Variants in SERAC1 observed in about 807,000 individuals in gnomAD.
SERAC1 encodes the protein serine active site containing 1, also known as protein SERAC1.
A neutral mutation model predicts 85.7 loss-of-function variants in SERAC1; 36 were observed. That is an observed-to-expected ratio of 0.42 (90% CI 0.32 to 0.55). SERAC1 has a LOEUF of 0.55. SERAC1 is among the 20% of genes least tolerant of loss of function. The pLI, the probability that SERAC1 is intolerant of heterozygous loss-of-function variation, is 0.11. For missense variants in SERAC1, 629 were observed against 796.2 expected (o/e 0.79, Z 2.53); for synonymous variants, 242 against 265.3 (o/e 0.91, Z 0.85).
At chr6:158,131,000 G>C (rs1784659138) in intron 8 of SERAC1, among the ~76,000 whole-genome samples, 2 of 152,100 alleles carry the variant, frequency 1.3e-5, no homozygotes, top group South Asian at 4.1e-4. Flanking sequence ...CTTATGGAAG[G>C]ATAAACAAAA....
At chr6:158,133,282 G>T (rs1035763775) in intron 8 of SERAC1, among the ~76,000 whole-genome samples, 91 of 147,698 alleles carry the variant, frequency 6.2e-4, no homozygotes, top group African/African-American at 2.2e-3. Flanking sequence ...CTGGGCAACA[G>T]AGTGAGACCC....
intron 16 of SERAC1, chr6:158,112,283 T>A (rs960802739): frequency 6.6e-6 from 1 of 152,408 alleles, no homozygotes; most frequent in Non-Finnish European, 1.5e-5. Flanking sequence ...TGTGGTGGTG[T>A]GCGCCTGTGG....
chr6:158,144,118 A>G (rs573586447), intron 7 of SERAC1, among the ~76,000 whole-genome samples, 181 bp downstream of exon 7: 1 of 152,310 alleles, frequency 6.6e-6, no homozygotes, highest in African/African-American at 2.4e-5. Context: ...TAGAAGGAAC[A>G]GCCCCTCCTG....
At chr6:158,138,435 CAA>C (rs60850749) in intron 8 of SERAC1, among the ~76,000 whole-genome samples, 495 of 72,854 alleles carry the variant, frequency 6.8e-3, no homozygotes, top group East Asian at 0.014. Flanking sequence ...GACTCTGTCT[CAA>C]AAAAAAAAAA....
rs760945092 is a variant in SERAC1, at chr6:158,119,196, GA to G, written c.1167-27del. ...CTAATAGGGGAGAGAGTTTTAAAAA[GA>G]AGCAGAATAAATGCATTACTGCTTT... On this transcript the variant is annotated intron_variant, in intron 11 of 16. Coordinates refer to ENST00000647468, the MANE Select transcript of SERAC1 (RefSeq NM_032861.4). This position sits in a 1 kb window ranked among gnomAD's most constrained non-coding sequence, Gnocchi z 4.5. 6.3e-7 allele frequency: 1 copy of G among 1,589,764 alleles called. No individual in the cohort carries two copies. Among genetic ancestry groups the G allele is most frequent in the East Asian group, 2.3e-5 (1 of 44,038 alleles).
chr6:158,129,697 T>TG lies in SERAC1; in HGVS notation c.852+675_852+676insC, dbSNP rs1348026004. 2.8e-3 allele frequency among the ~76,000 whole-genome samples: 344 copies of TG among 121,282 alleles called. 1 individual carries two copies. The highest frequency in any genetic ancestry group is 0.011 in the African/African-American group (323 of 29,306). 79.6% of individuals were successfully genotyped at this position (121,282 alleles called of 152,430 possible). A position where few individuals can be genotyped will look rare whatever the true frequency, so the allele number is the denominator to read the frequency against. On this transcript the variant is annotated intron_variant, in intron 9 of 16. Transcript: ENST00000647468. ...TCTAATATTTCCTTGTTTTTTTTTG[T>TG]TTTGTTTTTTTTTTTTTGAGATGGA... is the stretch of plus-strand genomic sequence containing the variant.
chr6:158,113,570 T>C lies in SERAC1; in HGVS notation c.1707A>G (p.Leu569=), dbSNP rs145232088. ...LSKDSPALKT[L]QDDFLEFAKD... ...TAGCAAACTCCAGAAAGTCATCTTG[T>C]AGTGTTTTAAGTGCAGGAGAATCTG... The change falls in exon 16 of 17, where the codon CTA becomes CTG. Residue 569 remains leucine (L), a synonymous_variant. Coordinates refer to ENST00000647468, the MANE Select transcript of SERAC1 (RefSeq NM_032861.4). The C allele has an allele frequency of 5.0e-6, 8 of 1,613,900 alleles. No individual in the cohort carries two copies. Among genetic ancestry groups the C allele is most frequent in the Non-Finnish European group, 6.8e-6 (8 of 1,179,876 alleles).
intron 1 of SERAC1, among the ~76,000 whole-genome samples, chr6:158,166,811 T>C (rs1785608649): frequency 6.6e-6 from 1 of 152,180 alleles, no homozygotes; most frequent in African/African-American, 2.4e-5. Context: ...CAGAAGTTTT[T>C]AAATGCAGAA....
chr6:158,120,336 C>G lies in SERAC1; in HGVS notation c.1166+89G>C. Reference sequence around the variant, plus strand: ...TTGACTTATAAGTTATTTAACTTATCTGAATTATGCAGAAATAAGTTAAAA... The same window carrying G: ...TTGACTTATAAGTTATTTAACTTATGTGAATTATGCAGAAATAAGTTAAAA... On this transcript the variant is annotated intron_variant, in intron 11 of 16. Coordinates refer to ENST00000647468, the MANE Select transcript of SERAC1 (RefSeq NM_032861.4). The surrounding 1 kb of genome is among the most constrained non-coding windows in gnomAD (Gnocchi z 4.4). 1 of 1,285,522 alleles carries G rather than the reference C, an allele frequency of 7.8e-7. No homozygotes were observed. The highest frequency in any genetic ancestry group is 1.1e-6 in the Non-Finnish European group (1 of 947,880). The allele number at this position is 1,285,522 out of a possible 1,614,324, so 79.6% of individuals were successfully genotyped here. A position where few individuals can be genotyped will look rare whatever the true frequency, so the allele number is the denominator to read the frequency against.
At chr6:158,121,338 CTATG>C (rs1420844425) in intron 10 of SERAC1, among the ~76,000 whole-genome samples, 1 of 151,918 alleles carries the variant, frequency 6.6e-6, no homozygotes, top group East Asian at 1.9e-4. Flanking sequence ...GGTGAAAAAT[CTATG>C]TATTTATTTA....
At position 158,109,562 on chromosome 6, in the gene SERAC1, C is replaced by G. The variant is rs1347885963; in HGVS notation, c.*1804G>C. 1 of 152,106 alleles carries G rather than the reference C, an allele frequency of 6.6e-6. No homozygotes were observed. Among genetic ancestry groups the G allele is most frequent in the East Asian group, 1.9e-4 (1 of 5,186 alleles). 9.4% of individuals were successfully genotyped at this position (152,106 alleles called of 1,614,324 possible). A position where few individuals can be genotyped will look rare whatever the true frequency, so the allele number is the denominator to read the frequency against. ...TTGATGAGCCATTTACCTTCAGATG[C>G]CATACTCCAGTTTTAGCTTCGACTA... On this transcript the variant is annotated 3_prime_UTR_variant, in exon 17 of 17. Transcript: ENST00000647468.
chr6:158,111,202 C>T lies in SERAC1; in HGVS notation c.*164G>A. 1.7e-6 allele frequency: 1 copy of T among 597,166 alleles called. No individual in the cohort carries two copies. Among genetic ancestry groups the T allele is most frequent in the Non-Finnish European group, 2.6e-6 (1 of 377,950 alleles). The allele number at this position is 597,166 out of a possible 1,614,324, so 37.0% of individuals were successfully genotyped here. The stretch of plus-strand genomic sequence containing the variant: ...CTGCCACTTCCGGGTTGGTGCTTTA[C>T]AGCGCTTGAAGGGAGAACAATGTTC... On this transcript the variant is annotated 3_prime_UTR_variant, in exon 17 of 17. Transcript: ENST00000647468.
intron 2 of SERAC1, among the ~76,000 whole-genome samples, chr6:158,156,658 A>C (rs968171816): frequency 6.7e-6 from 1 of 149,966 alleles, no homozygotes; most frequent in Non-Finnish European, 1.5e-5. Context: ...CTTCTGTTAC[A>C]TGCACTGAGC....
At chr6:158,162,899 C>T (rs1190916285) in intron 1 of SERAC1, among the ~76,000 whole-genome samples, 1 of 152,104 alleles carries the variant, frequency 6.6e-6, no homozygotes, top group Non-Finnish European at 1.5e-5. Flanking sequence ...TCCCCTCCCA[C>T]GGTGACTTTA....
Position 158,114,621 on chromosome 6 carries a change from A to G in SERAC1, c.1684+168T>C, listed in dbSNP as rs141960153. On this transcript the variant is annotated intron_variant, in intron 15 of 16. Coordinates refer to ENST00000647468, the MANE Select transcript of SERAC1 (RefSeq NM_032861.4). ...TAATGGCTTAAGAACAAAATGAGAA[A>G]TTATCAAAGAAAAATCAAGCCCAAC... 1,818 of 1,363,148 alleles carry G rather than the reference A, an allele frequency of 1.3e-3. 24 individuals are homozygous for G. The African/African-American group carries it at 0.024, about 18-fold the overall frequency. The allele number at this position is 1,363,148 out of a possible 1,614,324, so 84.4% of individuals were successfully genotyped here.
At chr6:158,156,985 A>G (rs1051238248) in intron 2 of SERAC1, among the ~76,000 whole-genome samples, 1 of 128,542 alleles carries the variant, frequency 7.8e-6, no homozygotes, top group African/African-American at 3.0e-5. Flanking sequence ...TATATAATAA[A>G]TACATATAAA....
intron 2 of SERAC1, among the ~76,000 whole-genome samples, chr6:158,156,908 A>ATATTTATATATATATTAATG (rs1562459918): frequency 2.8e-5 from 2 of 70,428 alleles, no homozygotes; most frequent in African/African-American, 8.9e-5. Flanking sequence ...AGATATTAAT[A>ATATTTATATATATATTAATG]TATTTATATA....
chr6:158,115,072 T>C (rs929607086), intron 14 of SERAC1, 101 bp from the exon 15 acceptor site: 21 of 1,259,398 alleles, frequency 1.7e-5, no homozygotes, highest in African/African-American at 4.5e-5. Context: ...TAAAAAGAGA[T>C]GCTTTCTTTT....
At chr6:158,165,217 G>A (rs1184664776) in intron 1 of SERAC1, among the ~76,000 whole-genome samples, 2 of 151,738 alleles carry the variant, frequency 1.3e-5, no homozygotes, top group Non-Finnish European at 2.9e-5. Flanking sequence ...GTGCAGTGGC[G>A]CGATCTCGGC....
Sources: allele counts gnomAD v4.1 joint callset (sites outside exome capture counted in the v4.1 genomes callset), GRCh38; gene constraint gnomAD v4.1.1; non-coding constraint Gnocchi (gnomAD v3.1); transcripts MANE v1.5; gene names NCBI Gene and HGNC (gene_info 2026-07-23, HGNC 2026-07-21).